Variants in RPF2 observed in about 807,000 individuals in gnomAD.
The protein encoded by RPF2 is ribosome production factor 2 homolog.
In RPF2, 21 loss-of-function variants were observed where a neutral mutation model predicts 38.9. That is an observed-to-expected ratio of 0.54 (90% CI 0.38 to 0.78). RPF2 has a LOEUF of 0.78. Ranked by LOEUF, RPF2 falls within the 30% of genes least tolerant of loss-of-function variation. The pLI is 0.00. For missense variants in RPF2, 314 were observed against 358.1 expected (o/e 0.88, Z 0.99); for synonymous variants, 121 against 126.2 (o/e 0.96, Z 0.28).
At chr6:110,990,989 C>G (rs1032476209) in intron 3 of RPF2, among the ~76,000 whole-genome samples, 1 of 152,174 alleles carries the variant, frequency 6.6e-6, no homozygotes, top group Non-Finnish European at 1.5e-5. Flanking sequence ...TTCCTTACCA[C>G]AGCCCTGGAA....
In RPF2 at chr6:111,027,312, G is replaced by A. The variant is rs148603510; in HGVS notation, c.*1730G>A. On this transcript the variant is annotated 3_prime_UTR_variant, in exon 10 of 10. Transcript: ENST00000441448. ...ATTTATACTTTTTGTTTGATTATAC[G>A]TTTAACCAAAGACCATACAGTCTCG... is the stretch of plus-strand genomic sequence containing the variant. 3.3e-5 allele frequency: 5 copies of A among 152,184 alleles called. No homozygotes were observed. Among genetic ancestry groups the A allele is most frequent in the East Asian group, 1.9e-4 (1 of 5,186 alleles). 9.4% of individuals were successfully genotyped at this position (152,184 alleles called of 1,614,324 possible). A position where few individuals can be genotyped will look rare whatever the true frequency, so the allele number is the denominator to read the frequency against.
intron 8 of RPF2, among the ~76,000 whole-genome samples, chr6:111,023,609 G>A (rs2114357754): frequency 6.6e-6 from 1 of 152,006 alleles, no homozygotes; most frequent in South Asian, 2.1e-4. Flanking sequence ...TTAAAAATAA[G>A]CAAACTGCCC....
Position 110,984,430 on chromosome 6 carries a change from G to T in RPF2, c.24-576G>T, listed in dbSNP as rs1771487885. Among the ~76,000 whole-genome samples the T allele has an allele frequency of 2.0e-5, 3 of 151,972 alleles. No individual in the cohort carries two copies. In the South Asian group the frequency reaches 6.2e-4, roughly 31 times the overall value. Reference sequence around the variant, plus strand: ...TATTTTTTACTTAAAAAAAAGATTGGAAAGAGCAGTAATAAAAGAATGGTG... The same window carrying T: ...TATTTTTTACTTAAAAAAAAGATTGTAAAGAGCAGTAATAAAAGAATGGTG... On this transcript the variant is annotated intron_variant, in intron 1 of 9. Coordinates refer to ENST00000441448, the MANE Select transcript of RPF2 (RefSeq NM_032194.3).
chr6:110,992,558 G>A (rs1339201576), intron 4 of RPF2, among the ~76,000 whole-genome samples: 2 of 151,568 alleles, frequency 1.3e-5, no homozygotes, highest in African/African-American at 2.4e-5. Context: ...GACTACAGGT[G>A]TACACCATCA....
chr6:111,024,136 C>CT (rs1255737730), intron 8 of RPF2, 47 bp from the exon 9 acceptor site: 40 of 1,523,532 alleles, frequency 2.6e-5, no homozygotes, highest in Non-Finnish European at 3.4e-5. Context: ...GTGGAGAGGA[C>CT]TTTTATGAAA....
At chr6:111,019,668 CAG>C (rs781205200) in intron 8 of RPF2, among the ~76,000 whole-genome samples, 3 of 152,018 alleles carry the variant, frequency 2.0e-5, no homozygotes, top group South Asian at 2.1e-4. Flanking sequence ...ACCCGGGAGA[CAG>C]AGGTTGCAGT....
Position 111,017,160 on chromosome 6 carries a change from C to T in RPF2, c.596+1304C>T, listed in dbSNP as rs984919330. Among the ~76,000 whole-genome samples the T allele has an allele frequency of 3.1e-4, 47 of 152,348 alleles. 1 individual carries two copies. The highest frequency in any genetic ancestry group is 1.1e-3 in the African/African-American group (45 of 41,586). On this transcript the variant is annotated intron_variant, in intron 8 of 9. Coordinates refer to ENST00000441448, the MANE Select transcript of RPF2 (RefSeq NM_032194.3). Reference sequence around the variant, plus strand: ...CCCCCTTTCCACTCGACAAAACCGCCATCGTCATCATGGCCCGTTCTCAAT... The same window carrying T: ...CCCCCTTTCCACTCGACAAAACCGCTATCGTCATCATGGCCCGTTCTCAAT...
At chr6:110,984,011 A>G (rs964867425) in intron 1 of RPF2, among the ~76,000 whole-genome samples, 7 of 152,188 alleles carry the variant, frequency 4.6e-5, no homozygotes, top group African/African-American at 1.7e-4. Context: ...CCTGGGCGAC[A>G]GAGCGAGACT....
chr6:111,000,704 C>T (rs1771798349), intron 6 of RPF2, among the ~76,000 whole-genome samples: 1 of 152,172 alleles, frequency 6.6e-6, no homozygotes, highest in Non-Finnish European at 1.5e-5. Context: ...TTATCAAATA[C>T]ATTATTTCAC....
intron 8 of RPF2, among the ~76,000 whole-genome samples, chr6:111,019,900 A>T (rs1772199164): frequency 2.6e-5 from 4 of 151,630 alleles, no homozygotes; most frequent in Admixed American, 2.6e-4. Flanking sequence ...GAAATCTGGA[A>T]CACCTTTCTT....
intron 6 of RPF2, among the ~76,000 whole-genome samples, chr6:111,005,616 T>A (rs1771894567): frequency 6.6e-6 from 1 of 152,144 alleles, no homozygotes; most frequent in African/African-American, 2.4e-5. Flanking sequence ...GTAGTTTAAT[T>A]TAGCCTTCAT....
intron 8 of RPF2, among the ~76,000 whole-genome samples, chr6:111,017,219 G>A (rs780516129): frequency 3.9e-5 from 6 of 152,022 alleles, no homozygotes; most frequent in South Asian, 4.2e-4. Context: ...ACGGGGTGGC[G>A]GCCGGGTAGA....
chr6:111,015,987 A>G (rs1442480488), intron 8 of RPF2, 131 bp downstream of exon 8: 2 of 679,926 alleles, frequency 2.9e-6, no homozygotes, highest in African/African-American at 3.6e-5. Context: ...GCAGGATAGC[A>G]GTGACAGCAG....
At chr6:111,002,889 C>T (rs1771835171) in intron 6 of RPF2, among the ~76,000 whole-genome samples, 1 of 152,030 alleles carries the variant, frequency 6.6e-6, no homozygotes, top group Non-Finnish European at 1.5e-5. Context: ...CTGCCTCAGC[C>T]TCCCGAGTAG....
intron 2 of RPF2, among the ~76,000 whole-genome samples, chr6:110,987,812 G>A (rs1433503608): frequency 3.9e-5 from 6 of 152,110 alleles, no homozygotes; most frequent in Non-Finnish European, 8.8e-5. Flanking sequence ...GGTAGTACCT[G>A]ATGACATCTT....
At chr6:110,986,258 A>T (rs1451897665) in intron 2 of RPF2, among the ~76,000 whole-genome samples, 1 of 152,196 alleles carries the variant, frequency 6.6e-6, no homozygotes, top group Non-Finnish European at 1.5e-5. Flanking sequence ...ATTAAGCAAG[A>T]GATACCATCA....
intron 8 of RPF2, among the ~76,000 whole-genome samples, chr6:111,019,325 G>A (rs576811882): frequency 6.6e-5 from 10 of 152,290 alleles, no homozygotes; most frequent in East Asian, 1.9e-4. Flanking sequence ...CTATAATCCC[G>A]GCTACTCAGG....
intron 6 of RPF2, among the ~76,000 whole-genome samples, chr6:111,007,584 C>T (rs1490687249): frequency 2.0e-5 from 3 of 151,958 alleles, no homozygotes; most frequent in African/African-American, 4.8e-5. Flanking sequence ...TATCAGTATT[C>T]ACAGACATCA....
intron 4 of RPF2, among the ~76,000 whole-genome samples, chr6:110,994,734 T>TATATATATATATATATATACACACAC (rs1436106936): frequency 1.5e-5 from 2 of 134,070 alleles, no homozygotes; most frequent in African/African-American, 6.4e-5. Context: ...TGAGTATATA[T>TATATATATATATATATATACACACAC]ACACACACAC....
Sources: allele counts gnomAD v4.1 joint callset (sites outside exome capture counted in the v4.1 genomes callset), GRCh38; gene constraint gnomAD v4.1.1; transcripts MANE v1.5; gene names NCBI Gene and HGNC (gene_info 2026-07-23, HGNC 2026-07-21).